The following ITGA4 variants were observed in gnomAD, a reference collection of about 807,000 sequenced individuals.
The protein encoded by ITGA4 is integrin subunit alpha 4.
Under a neutral mutation model 133.6 loss-of-function variants are expected in ITGA4, and 63 were observed. The ratio of observed to expected loss-of-function variants is 0.47; its 90% CI spans 0.38 to 0.58. The LOEUF is 0.58. Ranked by LOEUF, ITGA4 falls within the 20% of genes least tolerant of loss-of-function variation. The pLI is 0.00. For missense variants in ITGA4, 1,076 were observed against 1,252.7 expected, an observed-to-expected ratio of 0.86 and a Z score of 2.13; for synonymous variants, 483 against 438.0, an observed-to-expected ratio of 1.10 and a Z score of -1.28.
intron 21 of ITGA4, among the ~76,000 whole-genome samples, chr2:181,526,821 CTTTTTTTTTTTTTTT>C (rs538208494): frequency 2.9e-4 from 12 of 41,010 alleles, no homozygotes; most frequent in East Asian, 9.2e-4. Flanking sequence ...AGCACATGGC[CTTTTTTTTTTTTTTT>C]TTTTTTTTTT....
chr2:181,469,406 C>T (rs1396112945), intron 2 of ITGA4, among the ~76,000 whole-genome samples: 1 of 152,124 alleles, frequency 6.6e-6, no homozygotes, highest in Non-Finnish European at 1.5e-5. Context: ...ATTAAAAAGT[C>T]AGGAAACAAC....
intron 24 of ITGA4, 106 bp downstream of exon 24, chr2:181,530,755 A>C (rs1686928544): frequency 2.9e-6 from 3 of 1,021,456 alleles, no homozygotes; most frequent in Admixed American, 2.0e-5. Flanking sequence ...ATAAGAGAGA[A>C]GACAAGTTTA....
At chr2:181,489,922 A>G (rs1686008012) in intron 10 of ITGA4, among the ~76,000 whole-genome samples, 1 of 152,140 alleles carries the variant, frequency 6.6e-6, no homozygotes, top group African/African-American at 2.4e-5. Context: ...GGGCATCGGC[A>G]AGACTCCTGT....
Position 181,536,973 on chromosome 2 carries a change from T to G in ITGA4, c.*1446T>G, listed in dbSNP as rs984794739. 4.4e-6 allele frequency: 2 copies of G among 452,442 alleles called. No individual in the cohort carries two copies. Among genetic ancestry groups the G allele is most frequent in the Non-Finnish European group, 8.8e-6 (2 of 226,216 alleles). The allele number at this position is 452,442 out of a possible 1,614,324, so 28.0% of individuals were successfully genotyped here. A position where few individuals can be genotyped will look rare whatever the true frequency, so the allele number is the denominator to read the frequency against. On this transcript the variant is annotated 3_prime_UTR_variant, in exon 28 of 28. Coordinates refer to ENST00000397033, the MANE Select transcript of ITGA4 (RefSeq NM_000885.6). ...CCTGCCACTAGCCAGCCATCCTAAT[T>G]GATGAAAGTTATCTGTTCACAGGCC...
intron 2 of ITGA4, among the ~76,000 whole-genome samples, chr2:181,469,390 G>A (rs544431349): frequency 7.9e-5 from 12 of 152,270 alleles, no homozygotes; most frequent in African/African-American, 2.2e-4. Flanking sequence ...ACTTAGAATG[G>A]CGATCATTAA....
At position 181,537,077 on chromosome 2, in the gene ITGA4, C is replaced by G. The variant is rs1328767852; in HGVS notation, c.*1550C>G. 8.9e-6 allele frequency: 4 copies of G among 447,088 alleles called. No homozygotes were observed. The East Asian group carries it at 2.1e-4, about 23-fold the overall frequency. 27.7% of individuals were successfully genotyped at this position (447,088 alleles called of 1,614,324 possible). ...ATGTAAGCACAAAACCTCCTGAACC[C>G]AGAGTGTGTATACACAGGAATAAAC... On this transcript the variant is annotated 3_prime_UTR_variant, in exon 28 of 28. Coordinates refer to ENST00000397033, the MANE Select transcript of ITGA4 (RefSeq NM_000885.6).
At chr2:181,479,837 TGC>T (rs1685764444) in intron 5 of ITGA4, 1 of 175,426 alleles carries the variant, frequency 5.7e-6, no homozygotes, top group African/African-American at 2.4e-5. Flanking sequence ...GGAACCACAT[TGC>T]CTTTCTCCCA....
At chr2:181,504,568 T>C (rs1472650150) in intron 15 of ITGA4, among the ~76,000 whole-genome samples, 5 of 152,034 alleles carry the variant, frequency 3.3e-5, no homozygotes, top group African/African-American at 1.2e-4. Context: ...AAAATCTAAG[T>C]GTGAGCAAAC....
intron 25 of ITGA4, among the ~76,000 whole-genome samples, chr2:181,533,290 A>G (rs985956920): frequency 1.3e-5 from 2 of 152,248 alleles, no homozygotes; most frequent in East Asian, 3.8e-4. Context: ...GAAATTGCCA[A>G]ACAGTGCTTA....
chr2:181,527,486 C>A, intron 22 of ITGA4, 99 bp downstream of exon 22: 1 of 765,712 alleles, frequency 1.3e-6, no homozygotes, highest in Non-Finnish European at 2.2e-6. Context: ...GTCCTTCAGC[C>A]TCTGCAGACC....
chr2:181,474,803 G>C (rs917000939), intron 2 of ITGA4, among the ~76,000 whole-genome samples, 157 bp from the exon 3 acceptor site: 3 of 152,196 alleles, frequency 2.0e-5, no homozygotes, highest in African/African-American at 7.2e-5. Context: ...AGAATAATTA[G>C]TTGGCACAGA....
At chr2:181,531,576 T>C (rs1559058527) in intron 24 of ITGA4, 81 bp from the exon 25 acceptor site, 3 of 645,574 alleles carry the variant, frequency 4.6e-6, no homozygotes, top group East Asian at 7.3e-5. Context: ...TTAGAGTATA[T>C]ATTAAATTCT....
intron 21 of ITGA4, among the ~76,000 whole-genome samples, chr2:181,526,240 A>C (rs1171001704): frequency 6.6e-6 from 1 of 152,096 alleles, no homozygotes; most frequent in Middle Eastern, 3.4e-3. Flanking sequence ...TTATCTTGCC[A>C]CTCCTCCTGG....
Position 181,535,576 on chromosome 2 carries a change from A to C in ITGA4, c.*49A>C, listed in dbSNP as rs1171912840. ...TGGAAAACAGACTCAGGTTGTAGTAAAGAAATTTAAAAGACACTGTTTACA... is the reference window on the plus strand; with the variant it reads ...TGGAAAACAGACTCAGGTTGTAGTACAGAAATTTAAAAGACACTGTTTACA... On this transcript the variant is annotated 3_prime_UTR_variant, in exon 28 of 28. Transcript: ENST00000397033. 1.4e-5 allele frequency: 22 copies of C among 1,542,890 alleles called. No individual in the cohort carries two copies. The highest frequency in any genetic ancestry group is 1.9e-5 in the Non-Finnish European group (22 of 1,148,840).
At position 181,503,780 on chromosome 2, in the gene ITGA4, T is replaced by G. The variant is rs1396414507; in HGVS notation, c.1695+5003T>G. On this transcript the variant is annotated intron_variant, in intron 15 of 27. Transcript: ENST00000397033. The stretch of plus-strand genomic sequence containing the variant: ...GAAATCGTCTTCTATTAGACATTGC[T>G]TTTTCCTCTATGAAAAGATGTTTCC... Among the ~76,000 whole-genome samples, 3 of 151,416 alleles carry G rather than the reference T, an allele frequency of 2.0e-5. No individual in the cohort carries two copies. In the Admixed American group the frequency reaches 2.0e-4, roughly 10 times the overall value.
intron 15 of ITGA4, among the ~76,000 whole-genome samples, chr2:181,504,535 C>A (rs1414854383): frequency 6.6e-6 from 1 of 151,984 alleles, no homozygotes; most frequent in East Asian, 1.9e-4. Flanking sequence ...TGGACTGATT[C>A]ATATATGCAG....
intron 2 of ITGA4, among the ~76,000 whole-genome samples, chr2:181,473,085 T>G (rs1337423502): frequency 6.6e-6 from 1 of 152,174 alleles, no homozygotes; most frequent in African/African-American, 2.4e-5. Flanking sequence ...AGAAAAACAT[T>G]CTCTGCATTT....
chr2:181,490,778 G>A (rs1686036556), intron 10 of ITGA4, among the ~76,000 whole-genome samples: 1 of 152,156 alleles, frequency 6.6e-6, no homozygotes, highest in Non-Finnish European at 1.5e-5. Flanking sequence ...TATGGTGGTT[G>A]TGAGAGTTAC....
chr2:181,473,986 A>C (rs542850034), intron 2 of ITGA4, among the ~76,000 whole-genome samples: 1 of 152,318 alleles, frequency 6.6e-6, no homozygotes, highest in African/African-American at 2.4e-5. Flanking sequence ...GAAGTTCCAC[A>C]TCCTTATCCA....
Sources: allele counts gnomAD v4.1 joint callset (sites outside exome capture counted in the v4.1 genomes callset), GRCh38; gene constraint gnomAD v4.1.1; transcripts MANE v1.5; gene names NCBI Gene and HGNC (gene_info 2026-07-23, HGNC 2026-07-21).